The following EXOC6 variants were observed in gnomAD, a reference collection of about 807,000 sequenced individuals.
The protein encoded by EXOC6 is exocyst complex component 6, also known as SEC15-like 1.
Under a neutral mutation model 112.5 loss-of-function variants are expected in EXOC6, and 60 were observed. The observed-to-expected ratio is 0.53, with a 90% CI of 0.43 to 0.66. EXOC6 has a LOEUF of 0.66. Among genes scored for constraint, EXOC6 ranks in the 30% least tolerant of loss-of-function variants. The pLI, the probability that EXOC6 is intolerant of heterozygous loss-of-function variation, is 0.00. For synonymous variants in EXOC6, 295 were observed against 308.0 expected, an observed-to-expected ratio of 0.96 and a Z score of 0.44; for missense variants, 855 against 957.1, an observed-to-expected ratio of 0.89 and a Z score of 1.41.
chr10:92,998,739 G>T (rs934847787), intron 19 of EXOC6, among the ~76,000 whole-genome samples: 21 of 150,638 alleles, frequency 1.4e-4, no homozygotes, highest in Non-Finnish European at 2.1e-4. Context: ...AAGAAAAATG[G>T]TTTTTTTCCT....
chr10:93,040,292 A>C (rs1325323885), intron 20 of EXOC6, among the ~76,000 whole-genome samples: 1 of 152,146 alleles, frequency 6.6e-6, no homozygotes, highest in Non-Finnish European at 1.5e-5. Context: ...CTTGTTGCCC[A>C]GGCTGGAGTG....
At chr10:92,982,481 TA>T (rs869052017) in intron 18 of EXOC6, among the ~76,000 whole-genome samples, 1 of 129,166 alleles carries the variant, frequency 7.7e-6, no homozygotes, top group Non-Finnish European at 1.6e-5. Flanking sequence ...ACCATTTTTT[TA>T]AAAAAAGGAT....
At chr10:92,930,820 G>T (rs552077774) in intron 9 of EXOC6, among the ~76,000 whole-genome samples, 1 of 151,910 alleles carries the variant, frequency 6.6e-6, no homozygotes, top group African/African-American at 2.4e-5. Flanking sequence ...TTTTCAAAAG[G>T]TGTTGTTAAG....
chr10:93,021,485 G>A (rs1844789264), intron 20 of EXOC6, among the ~76,000 whole-genome samples: 1 of 152,132 alleles, frequency 6.6e-6, no homozygotes, highest in Non-Finnish European at 1.5e-5. Flanking sequence ...CCAAGGGTGA[G>A]GGAGTTTTCG....
In EXOC6 at chr10:93,048,628, C is replaced by A. The variant is rs555548496; in HGVS notation, c.2170-8296C>A. Among the ~76,000 whole-genome samples the A allele has an allele frequency of 2.0e-5, 3 of 151,908 alleles. No individual in the cohort carries two copies. In the South Asian group the frequency reaches 6.2e-4, roughly 32 times the overall value. On this transcript the variant is annotated intron_variant, in intron 20 of 21. Transcript: ENST00000260762. ...AAAAATTAGCTGGGGTGGTGGCACA[C>A]ACCTGTAATCCCAGCTACTTGGGAG...
chr10:92,841,516 A>C lies in EXOC6; in HGVS notation c.86+6692A>C, dbSNP rs1164121801. On this transcript the variant is annotated intron_variant, in intron 1 of 21. Coordinates refer to the EXOC6 transcript ENST00000371552. ...AATGGAGTCCAGAGAAATTGTTCAGAAATAAATTTGGGCCTAACTGTGACA... is the reference window on the plus strand; with the variant it reads ...AATGGAGTCCAGAGAAATTGTTCAGCAATAAATTTGGGCCTAACTGTGACA... Among the ~76,000 whole-genome samples the C allele has an allele frequency of 2.0e-5, 3 of 152,218 alleles. No individual in the cohort carries two copies. The East Asian group carries it at 5.8e-4, about 29-fold the overall frequency.
chr10:93,027,219 A>G (rs1002003551), intron 20 of EXOC6, among the ~76,000 whole-genome samples: 3 of 152,240 alleles, frequency 2.0e-5, no homozygotes, highest in Non-Finnish European at 2.9e-5. Context: ...ATGAAGGCTG[A>G]GAGAAGTGAG....
At chr10:92,892,527 C>T (rs1564806261) in intron 1 of EXOC6, among the ~76,000 whole-genome samples, 1 of 152,256 alleles carries the variant, frequency 6.6e-6, no homozygotes, top group Non-Finnish European at 1.5e-5. Context: ...ACAGCTAAAA[C>T]TGTGTGGCCT....
At chr10:92,850,162 A>G (rs905529222) in intron 1 of EXOC6, among the ~76,000 whole-genome samples, 3 of 152,250 alleles carry the variant, frequency 2.0e-5, no homozygotes, top group Non-Finnish European at 2.9e-5. Flanking sequence ...AGTACTGGTT[A>G]TGAAGGAGGT....
At chr10:92,975,672 T>G in intron 18 of EXOC6, among the ~76,000 whole-genome samples, 1 of 108,584 alleles carries the variant, frequency 9.2e-6, no homozygotes. Flanking sequence ...GGGGCGCCTC[T>G]GCCCGGCAGC....
chr10:92,828,690 C>CTGTG (rs71028851), intron 1 of EXOC6, among the ~76,000 whole-genome samples: 7 of 105,218 alleles, frequency 6.7e-5, no homozygotes, highest in African/African-American at 1.6e-4. Flanking sequence ...TTTTGTGTGT[C>CTGTG]TGTGTGTGTG....
chr10:92,896,990 T>C (rs753874421), intron 4 of EXOC6, among the ~76,000 whole-genome samples: 1 of 152,190 alleles, frequency 6.6e-6, no homozygotes, highest in Non-Finnish European at 1.5e-5. Context: ...TTATGTTAAG[T>C]TTCAGGGTTG....
At chr10:93,005,188 T>C (rs188821601) in intron 19 of EXOC6, among the ~76,000 whole-genome samples, 1 of 152,334 alleles carries the variant, frequency 6.6e-6, no homozygotes, top group African/African-American at 2.4e-5. Flanking sequence ...AGGTAGGATC[T>C]ATGTATGAAT....
chr10:92,849,785 G>A (rs1307668882), intron 1 of EXOC6, among the ~76,000 whole-genome samples: 1 of 152,004 alleles, frequency 6.6e-6, no homozygotes, highest in Non-Finnish European at 1.5e-5. Context: ...TGCAGTCATG[G>A]AAAAAAATTA....
intron 1 of EXOC6, 59 bp from the exon 2 acceptor site, chr10:92,893,290 A>G: frequency 7.9e-7 from 1 of 1,259,300 alleles, no homozygotes; most frequent in Non-Finnish European, 1.1e-6. Context: ...CCTCTTGCAA[A>G]GATCAGGCTT....
At chr10:92,889,314 CT>C (rs1344031552) in intron 1 of EXOC6, among the ~76,000 whole-genome samples, 3 of 151,962 alleles carry the variant, frequency 2.0e-5, no homozygotes, top group African/African-American at 4.8e-5. Flanking sequence ...TTTTTAAAGA[CT>C]TTTTTTTCTT....
At position 92,928,403 on chromosome 10, in the gene EXOC6, T is replaced by G. The variant is rs1393748067; in HGVS notation, c.953T>G (p.Leu318Trp). 1 of 1,607,982 alleles carries G rather than the reference T, an allele frequency of 6.2e-7. No homozygotes were observed. The highest frequency in any genetic ancestry group is 2.2e-5 in the East Asian group (1 of 44,704). The change falls in exon 9 of 22, where the codon TTG becomes TGG. Residue 318 changes from leucine (L) to tryptophan (W), a missense_variant. Around this residue, in one of 2 missense-constraint regions of EXOC6, gnomAD observed 405 missense variants for 393.6 expected, o/e 1.03. Coordinates refer to ENST00000260762, the MANE Select transcript of EXOC6 (RefSeq NM_019053.6). ...AGAAAGAAACAAGCAAGACTGGTAT[T>G]GCAACCCCAGTCGAATATGGTAAGT... ...KQRKKQARLV[L>W]QPQSNMHETV...
At chr10:92,987,182 C>T (rs118080944) in intron 18 of EXOC6, among the ~76,000 whole-genome samples, 8 of 152,210 alleles carry the variant, frequency 5.3e-5, no homozygotes, top group Admixed American at 1.3e-4. Context: ...CAGTGCTTGG[C>T]CCTAGACCTA....
intron 18 of EXOC6, among the ~76,000 whole-genome samples, chr10:92,986,075 A>C (rs994914841): frequency 1.1e-4 from 16 of 152,216 alleles, no homozygotes; most frequent in Admixed American, 7.9e-4. Context: ...TGATTTATTG[A>C]ATCTAATTCA....
Sources: allele counts gnomAD v4.1 joint callset (sites outside exome capture counted in the v4.1 genomes callset), GRCh38; gene constraint gnomAD v4.1.1; regional missense constraint gnomAD v4.1.1; transcripts MANE v1.5; gene names NCBI Gene and HGNC (gene_info 2026-07-23, HGNC 2026-07-21).